Variants in WWOX observed in about 807,000 individuals in gnomAD.
The protein encoded by WWOX is WW domain containing oxidoreductase.
In WWOX, 69 loss-of-function variants were observed where a neutral mutation model predicts 46.2. That is an observed-to-expected ratio of 1.49 (90% CI 1.23 to 1.82). The LOEUF is 1.82. WWOX is among the 40% of genes most tolerant of loss of function. WWOX has a pLI of 0.00. For missense variants in WWOX, 919 were observed against 542.6 expected (o/e 1.69, Z -6.89); for synonymous variants, 359 against 202.6 (o/e 1.77, Z -6.56).
intron 4 of WWOX, among the ~76,000 whole-genome samples, chr16:78,129,098 C>G (rs2033483076): frequency 6.6e-6 from 1 of 152,128 alleles, no homozygotes; most frequent in Non-Finnish European, 1.5e-5. Context: ...GCCTGAAAAG[C>G]TGACTTGGGA....
At chr16:78,591,494 G>T (rs1012746452) in intron 8 of WWOX, among the ~76,000 whole-genome samples, 1 of 152,134 alleles carries the variant, frequency 6.6e-6, no homozygotes, top group African/African-American at 2.4e-5. Context: ...ATTACATGGA[G>T]CCTCACTTTA....
chr16:78,713,434 A>T (rs1282583881), intron 8 of WWOX, among the ~76,000 whole-genome samples: 1 of 152,094 alleles, frequency 6.6e-6, no homozygotes, highest in Non-Finnish European at 1.5e-5. Context: ...GAGCTGAATT[A>T]TGTGTCCCCA....
At chr16:79,044,490 C>T (rs2048030579) in intron 8 of WWOX, among the ~76,000 whole-genome samples, 2 of 152,280 alleles carry the variant, frequency 1.3e-5, no homozygotes, top group East Asian at 1.9e-4. Context: ...CAGCCCCCCA[C>T]CCTGTCTCTT....
chr16:78,583,002 A>G (rs1358713160), intron 8 of WWOX, among the ~76,000 whole-genome samples: 1 of 152,198 alleles, frequency 6.6e-6, no homozygotes, highest in Admixed American at 6.5e-5. Flanking sequence ...TAATCTTCTT[A>G]AGCTCAACTT....
chr16:78,116,382 A>G (rs1024554179), intron 4 of WWOX, among the ~76,000 whole-genome samples: 2 of 152,210 alleles, frequency 1.3e-5, no homozygotes, highest in African/African-American at 4.8e-5. Flanking sequence ...TCAAGGGTCA[A>G]TTATTGTGTT....
chr16:78,400,371 C>T (rs375980295), intron 6 of WWOX, among the ~76,000 whole-genome samples: 1 of 152,108 alleles, frequency 6.6e-6, no homozygotes, highest in Non-Finnish European at 1.5e-5. Context: ...TCTGAAAACT[C>T]CTGAGAGACT....
chr16:79,112,914 C>T (rs943513404), intron 8 of WWOX, among the ~76,000 whole-genome samples: 9 of 152,178 alleles, frequency 5.9e-5, no homozygotes, highest in African/African-American at 2.2e-4. Context: ...CAGCGCAGCT[C>T]AGCACAGCTG....
intron 8 of WWOX, among the ~76,000 whole-genome samples, chr16:79,035,939 T>G (rs562075198): frequency 6.6e-6 from 1 of 152,296 alleles, no homozygotes; most frequent in South Asian, 2.1e-4. Context: ...TGTCTCAAGA[T>G]CTTAGAAGGC....
chr16:78,795,152 C>T (rs1023807333), intron 8 of WWOX, among the ~76,000 whole-genome samples: 11 of 151,982 alleles, frequency 7.2e-5, no homozygotes, highest in African/African-American at 2.7e-4. Flanking sequence ...GCAAGAATGT[C>T]TTACATTTAT....
intron 8 of WWOX, among the ~76,000 whole-genome samples, chr16:78,984,841 G>T (rs1245867308): frequency 6.6e-6 from 1 of 152,188 alleles, no homozygotes; most frequent in Middle Eastern, 3.2e-3. Flanking sequence ...TAACAGAAAG[G>T]AGAAAGACGA....
intron 8 of WWOX, among the ~76,000 whole-genome samples, chr16:79,035,859 T>G (rs143756060): frequency 6.6e-6 from 1 of 152,326 alleles, no homozygotes; most frequent in South Asian, 2.1e-4. Context: ...CCTCCCAAAG[T>G]GATGGGATTA....
At chr16:79,115,983 A>G (rs2049508098) in intron 8 of WWOX, among the ~76,000 whole-genome samples, 1 of 152,244 alleles carries the variant, frequency 6.6e-6, no homozygotes, top group Non-Finnish European at 1.5e-5. Flanking sequence ...GGCAAGTCAC[A>G]TGAATTTTGG....
At chr16:78,150,358 C>T (rs1381915678) in intron 4 of WWOX, among the ~76,000 whole-genome samples, 1 of 152,142 alleles carries the variant, frequency 6.6e-6, no homozygotes, top group Non-Finnish European at 1.5e-5. Flanking sequence ...TCTCCAAACC[C>T]TATCGTTTAG....
chr16:78,411,210 G>A (rs1484752630), intron 6 of WWOX, among the ~76,000 whole-genome samples: 1 of 152,184 alleles, frequency 6.6e-6, no homozygotes, highest in East Asian at 1.9e-4. Flanking sequence ...AGGAAGCAGG[G>A]AGCATTGGGA....
chr16:78,144,769 C>T (rs973223857), intron 4 of WWOX, among the ~76,000 whole-genome samples: 1 of 151,612 alleles, frequency 6.6e-6, no homozygotes, highest in Non-Finnish European at 1.5e-5. Context: ...AATCCGCCCA[C>T]CTTGGCCTAC....
intron 6 of WWOX, among the ~76,000 whole-genome samples, chr16:78,422,889 ATT>A (rs1237529975): frequency 1.6e-5 from 2 of 121,890 alleles, no homozygotes; most frequent in African/African-American, 7.6e-5. Flanking sequence ...ACACACATAT[ATT>A]TTTTTTTTCT....
chr16:78,309,814 A>G (rs2080206182), intron 5 of WWOX, among the ~76,000 whole-genome samples: 1 of 152,216 alleles, frequency 6.6e-6, no homozygotes, highest in Non-Finnish European at 1.5e-5. Flanking sequence ...GTGGTCCTGA[A>G]GTCTAACTCT....
At chr16:78,949,551 C>G (rs747136828) in intron 8 of WWOX, among the ~76,000 whole-genome samples, 1 of 152,264 alleles carries the variant, frequency 6.6e-6, no homozygotes. Flanking sequence ...TTGCTTTTGA[C>G]CAACCCCAAC....
chr16:78,906,598 G>C (rs2044971356), intron 8 of WWOX, among the ~76,000 whole-genome samples: 1 of 152,186 alleles, frequency 6.6e-6, no homozygotes, highest in Admixed American at 6.5e-5. Context: ...GGAGAACCTG[G>C]AGAAGTCAGG....
Sources: gnomAD v4.1 joint callset for allele counts (sites outside exome capture counted in the v4.1 genomes callset) on GRCh38, gnomAD v4.1.1 for gene constraint, MANE v1.5 for transcripts, NCBI Gene and HGNC (gene_info 2026-07-23, HGNC 2026-07-21) for gene names.